The following SH3RF2 variants were observed in gnomAD, a reference collection of about 807,000 sequenced individuals.
The protein encoded by SH3RF2 is E3 ubiquitin-protein ligase SH3RF2.
SH3RF2 carries 43 observed loss-of-function variants against 59.0 expected under a neutral mutation model. The ratio of observed to expected loss-of-function variants is 0.73; its 90% confidence interval spans 0.57 to 0.94. The LOEUF (loss-of-function observed/expected upper bound fraction) is 0.94. Ranked by LOEUF, SH3RF2 falls within the 40% of genes least tolerant of loss-of-function variation. SH3RF2 has a pLI of 0.00. For synonymous variants in SH3RF2, 391 were observed against 391.5 expected (o/e 1.00, Z 0.01); for missense variants, 930 against 940.1 (o/e 0.99, Z 0.14).
Position 145,996,538 on chromosome 5 carries a change from G to A in SH3RF2, c.379-3520G>A, listed in dbSNP as rs570736088. Among the ~76,000 whole-genome samples the A allele has an allele frequency of 6.3e-5, 6 of 94,820 alleles. No individual in the cohort carries two copies. In the East Asian group the frequency reaches 1.6e-3, roughly 25 times the overall value. 62.2% of individuals were successfully genotyped at this position (94,820 alleles called of 152,430 possible). A position where few individuals can be genotyped will look rare whatever the true frequency, so the allele number is the denominator to read the frequency against. On this transcript the variant is annotated intron_variant, in intron 2 of 9. Coordinates refer to ENST00000359120, the MANE Select transcript of SH3RF2 (RefSeq NM_152550.4). ...AGCTGATTTTTTTTAAAAAACTGAC[G>A]ATTGATCTCTGACTAATTGTTTCTT...
In SH3RF2 at chr5:146,059,978, A is replaced by C. The variant is rs774847105; in HGVS notation, c.1668A>C (p.Pro556=). 1.3e-6 allele frequency: 2 copies of C among 1,580,972 alleles called. No individual in the cohort carries two copies. Among genetic ancestry groups the C allele is most frequent in the Admixed American group, 3.6e-5 (2 of 56,192 alleles). ...CTCAGCAGTTCCAATTCTACCAGCC[A>C]CAGGGGATCCCCTCCTCCCCCTCAG... ...LRPQQFQFYQ[P]QGIPSSPSAV... is the part of the protein sequence containing the mutation. The change falls in exon 9 of 10, where the codon CCA becomes CCC. Residue 556 remains proline (P), a synonymous_variant. Coordinates refer to ENST00000359120, the MANE Select transcript of SH3RF2 (RefSeq NM_152550.4).
intron 9 of SH3RF2, among the ~76,000 whole-genome samples, chr5:146,070,406 A>G (rs1403476603): frequency 6.6e-6 from 1 of 152,188 alleles, no homozygotes; most frequent in Non-Finnish European, 1.5e-5. Context: ...GGTGAGAAGT[A>G]AGATAACTGA....
rs116146799 is a variant in SH3RF2 at position 146,078,096 on chromosome 5, A to G, written c.*34-364A>G. 7.9e-3 allele frequency among the ~76,000 whole-genome samples: 1,201 copies of G among 152,320 alleles called. 14 individuals are homozygous for G. The highest frequency in any genetic ancestry group is 0.027 in the African/African-American group (1,142 of 41,564). On this transcript the variant is annotated intron_variant, in intron 9 of 9. Coordinates refer to the SH3RF2 transcript ENST00000511217. Reference sequence around the variant, plus strand: ...AAGGAATTATGGAATTAAAAAAAATAATTTGGCAACCATTCAGTAGTAATT... The same window carrying G: ...AAGGAATTATGGAATTAAAAAAAATGATTTGGCAACCATTCAGTAGTAATT...
exon 10 of SH3RF2, chr5:146,081,714 G>A (rs377290611): frequency 6.6e-6 from 1 of 152,092 alleles, no homozygotes; most frequent in Non-Finnish European, 1.5e-5. Flanking sequence ...AGCTGTAAGC[G>A]TGTGAAGCCA....
At chr5:146,053,771 C>T (rs1580927199) in intron 7 of SH3RF2, among the ~76,000 whole-genome samples, 1 of 152,176 alleles carries the variant, frequency 6.6e-6, no homozygotes, top group Non-Finnish European at 1.5e-5. Context: ...CATATGCCTA[C>T]CTGGTGCCTT....
chr5:146,064,815 A>AG (rs1173203019), downstream of SH3RF2, among the ~76,000 whole-genome samples: 5 of 12,876 alleles, frequency 3.9e-4, no homozygotes, highest in Admixed American at 1.3e-3. Context: ...AAGGAAAGAA[A>AG]GAAAGAAAGA....
At chr5:145,964,284 C>CTTCA (rs1561713084) in intron 2 of SH3RF2, among the ~76,000 whole-genome samples, 1 of 116,792 alleles carries the variant, frequency 8.6e-6, no homozygotes, top group African/African-American at 3.5e-5. Flanking sequence ...TCCTTCCTTC[C>CTTCA]TTCCTTCCTT....
intron 9 of SH3RF2, among the ~76,000 whole-genome samples, chr5:146,075,165 C>G (rs17212380): frequency 0.23 from 34,353 of 152,076 alleles, 4,895 homozygotes; most frequent in Admixed American, 0.34. Context: ...CTGTTTCTAC[C>G]TGTAGGATTT....
At position 146,004,632 on chromosome 5, in the gene SH3RF2, A is replaced by G. The variant is rs13358872; in HGVS notation, c.744+479A>G. ...GTGGTGATGAAAAAAGTGTCTCTCTATGGATAATACTATATTATCCATATA... is the reference window on the plus strand; with the variant it reads ...GTGGTGATGAAAAAAGTGTCTCTCTGTGGATAATACTATATTATCCATATA... On this transcript the variant is annotated intron_variant, in intron 4 of 9. Transcript: ENST00000359120. Among the ~76,000 whole-genome samples the G allele has an allele frequency of 9.7e-3, 1,479 of 152,230 alleles. 16 individuals carry two copies. The highest frequency in any genetic ancestry group is 0.034 in the African/African-American group (1,392 of 41,544).
chr5:145,948,229 A>G (rs1758065995), intron 2 of SH3RF2, among the ~76,000 whole-genome samples: 1 of 152,238 alleles, frequency 6.6e-6, no homozygotes, highest in African/African-American at 2.4e-5. Context: ...AAAACAAAAT[A>G]GGAAAATATG....
chr5:145,964,022 C>T (rs1312944193), intron 2 of SH3RF2, among the ~76,000 whole-genome samples: 1 of 151,400 alleles, frequency 6.6e-6, no homozygotes, highest in East Asian at 1.9e-4. Context: ...TTAGTAGAGA[C>T]GGGGTTTCAC....
intron 5 of SH3RF2, among the ~76,000 whole-genome samples, chr5:146,018,473 T>C (rs1292062449): frequency 6.6e-6 from 1 of 152,100 alleles, no homozygotes; most frequent in Non-Finnish European, 1.5e-5. Context: ...TATATATGTA[T>C]GTATGTATAT....
At chr5:146,057,966 C>G (rs5002836) in intron 8 of SH3RF2, among the ~76,000 whole-genome samples, 1 of 72,926 alleles carries the variant, frequency 1.4e-5, no homozygotes, top group African/African-American at 3.9e-5. Flanking sequence ...CTCTCTCTCT[C>G]TCTATCTATC....
chr5:145,938,430 A>G, intron 2 of SH3RF2, 124 bp downstream of exon 2: 1 of 1,169,704 alleles, frequency 8.5e-7, no homozygotes, highest in East Asian at 2.5e-5. Context: ...CCCAGTGATA[A>G]GTTTCTGTGG....
intron 2 of SH3RF2, among the ~76,000 whole-genome samples, chr5:145,965,148 G>A (rs527759187): frequency 4.0e-4 from 61 of 151,948 alleles, no homozygotes; most frequent in African/African-American, 6.8e-4. Flanking sequence ...AGCTGAGATC[G>A]CGCCACTGCA....
At chr5:145,997,837 CAA>C (rs1760229787) in intron 2 of SH3RF2, 1 of 1,327,528 alleles carries the variant, frequency 7.5e-7, no homozygotes, top group South Asian at 1.2e-5. Context: ...GAAGTACCTG[CAA>C]AAACAACTCA....
At chr5:145,954,209 G>C (rs757265327) in intron 2 of SH3RF2, among the ~76,000 whole-genome samples, 2 of 152,112 alleles carry the variant, frequency 1.3e-5, no homozygotes, top group Non-Finnish European at 2.9e-5. Context: ...CCGCAACCTC[G>C]CAAGCATCTG....
downstream of SH3RF2, among the ~76,000 whole-genome samples, chr5:146,064,906 G>A (rs547654137): frequency 6.7e-6 from 1 of 149,652 alleles, no homozygotes; most frequent in Non-Finnish European, 1.5e-5. Context: ...GGGAGGAAGG[G>A]GCATGTCTAA....
chr5:145,948,207 G>A lies in SH3RF2; in HGVS notation c.378+9901G>A, dbSNP rs141791079. 1.4e-3 allele frequency among the ~76,000 whole-genome samples: 208 copies of A among 152,248 alleles called. 1 individual carries two copies. The East Asian group carries it at 0.016, about 12-fold the overall frequency. ...TACAAGAGGTTTGTGTTCTGTAAGTGTAAATATTAATAAAACAAAATAGGA... is the reference window on the plus strand; with the variant it reads ...TACAAGAGGTTTGTGTTCTGTAAGTATAAATATTAATAAAACAAAATAGGA... On this transcript the variant is annotated intron_variant, in intron 2 of 9. Coordinates refer to ENST00000359120, the MANE Select transcript of SH3RF2 (RefSeq NM_152550.4).
Sources: gnomAD v4.1 joint callset for allele counts (sites outside exome capture counted in the v4.1 genomes callset) on GRCh38, gnomAD v4.1.1 for gene constraint, MANE v1.5 for transcripts, NCBI Gene and HGNC (gene_info 2026-07-23, HGNC 2026-07-21) for gene names.